NLN: variants seen among roughly 807,000 people sequenced by gnomAD.
NLN encodes neurolysin, mitochondrial.
A neutral mutation model predicts 79.9 loss-of-function variants in NLN; 64 were observed. The ratio of observed to expected loss-of-function variants is 0.80; its 90% confidence interval spans 0.65 to 0.99. The LOEUF is 0.99. NLN is among the 50% of genes least tolerant of loss of function. The pLI is 0.00. For missense variants in NLN, 835 were observed against 858.7 expected (o/e 0.97, Z 0.34); for synonymous variants, 267 against 296.6 (o/e 0.90, Z 1.02).
At chr5:65,800,626 G>A (rs917750519) in intron 9 of NLN, among the ~76,000 whole-genome samples, 14 of 151,978 alleles carry the variant, frequency 9.2e-5, no homozygotes, top group African/African-American at 3.4e-4. Flanking sequence ...CTGAGATTCT[G>A]CCACTGCACT....
At chr5:65,770,982 G>C (rs922228189) in intron 3 of NLN, among the ~76,000 whole-genome samples, 1 of 152,086 alleles carries the variant, frequency 6.6e-6, no homozygotes, top group Non-Finnish European at 1.5e-5. Flanking sequence ...CAAAATTCAA[G>C]AGAGTAGTTA....
At chr5:65,780,027 T>C in intron 4 of NLN, 152 bp from the exon 5 acceptor site, 1 of 506,428 alleles carries the variant, frequency 2.0e-6, no homozygotes, top group South Asian at 3.1e-5. Context: ...GCTTTCACCA[T>C]GTTAGCCAGG....
At chr5:65,814,141 T>C (rs1263728523) in intron 12 of NLN, among the ~76,000 whole-genome samples, 25 of 152,168 alleles carry the variant, frequency 1.6e-4, no homozygotes, top group Admixed American at 1.6e-3. Flanking sequence ...GCCTAATTTC[T>C]TGGTATAAGA....
rs1012064054 is a variant in NLN at position 65,819,549 on chromosome 5, T to G, written c.1981-3232T>G. Among the ~76,000 whole-genome samples the G allele has an allele frequency of 2.0e-5, 3 of 152,204 alleles. 1 individual carries two copies. In the South Asian group the frequency reaches 6.2e-4, roughly 31 times the overall value. ...AGCTGCCAAAAGATACATGCTAATCTTCTAGGATTAAAAAAGCCACAGAGG... is the reference window on the plus strand; with the variant it reads ...AGCTGCCAAAAGATACATGCTAATCGTCTAGGATTAAAAAAGCCACAGAGG... On this transcript the variant is annotated intron_variant, in intron 12 of 12. Transcript: ENST00000380985.
chr5:65,756,654 T>C (rs1174948113), intron 1 of NLN, among the ~76,000 whole-genome samples: 1 of 152,150 alleles, frequency 6.6e-6, no homozygotes, highest in African/African-American at 2.4e-5. Context: ...GGGGAGTTTT[T>C]TGTTGTTGTC....
intron 7 of NLN, among the ~76,000 whole-genome samples, chr5:65,787,699 T>C (rs1291993017): frequency 6.6e-6 from 1 of 152,198 alleles, no homozygotes; most frequent in Non-Finnish European, 1.5e-5. Flanking sequence ...ACAGGTCACA[T>C]CTGATGTGTT....
intron 7 of NLN, among the ~76,000 whole-genome samples, chr5:65,786,733 A>T (rs756520911): frequency 1.3e-5 from 2 of 152,178 alleles, no homozygotes; most frequent in Non-Finnish European, 2.9e-5. Flanking sequence ...ATGGTAGCAC[A>T]TGCCTGTAAT....
At position 65,763,084 on chromosome 5, in the gene NLN, A is replaced by G. The variant is rs1379806024; in HGVS notation, c.426A>G (p.Ile142Met). ...TTGAGATGAGCATGAGAGGAGATAT[A>G]TTTGAGAGAATTGTTCATTTACAGG... The part of the protein sequence containing the change: ...FDIEMSMRGD[I>M]FERIVHLQET... Residue 142 changes from isoleucine to methionine, a missense_variant, in exon 3 of 13, where the codon ATA (isoleucine) becomes ATG (methionine). Coordinates refer to ENST00000380985, the MANE Select transcript of NLN (RefSeq NM_020726.5). 6.2e-7 allele frequency: 1 copy of G among 1,613,686 alleles called. No individual in the cohort carries two copies. Among genetic ancestry groups the G allele is most frequent in the Non-Finnish European group, 8.5e-7 (1 of 1,179,722 alleles).
At position 65,826,730 on chromosome 5, in the gene NLN, C is replaced by T. The variant is rs1035872732; in HGVS notation, c.*3815C>T. 1 of 152,126 alleles carries T rather than the reference C, an allele frequency of 6.6e-6. No individual in the cohort carries two copies. The highest frequency in any genetic ancestry group is 1.5e-5 in the Non-Finnish European group (1 of 68,102). The allele number at this position is 152,126 out of a possible 1,614,324, so 9.4% of individuals were successfully genotyped here. A position where few individuals can be genotyped will look rare whatever the true frequency, so the allele number is the denominator to read the frequency against. On this transcript the variant is annotated 3_prime_UTR_variant, in exon 13 of 13. Coordinates refer to ENST00000380985, the MANE Select transcript of NLN (RefSeq NM_020726.5). ...GACCAGCCTGAGCAACACAGTGAGA[C>T]CCTGTCTCTACAAAAACTAAAAAAA...
intron 4 of NLN, among the ~76,000 whole-genome samples, chr5:65,778,112 C>T (rs1165300339): frequency 6.6e-6 from 1 of 152,136 alleles, no homozygotes; most frequent in African/African-American, 2.4e-5. Flanking sequence ...ATTATAAAAT[C>T]CTTACCGATG....
intron 7 of NLN, 33 bp from the exon 8 acceptor site, chr5:65,788,085 A>G: frequency 6.3e-7 from 1 of 1,590,994 alleles, no homozygotes; most frequent in Non-Finnish European, 8.5e-7. Context: ...TTCCAAAAGC[A>G]AGTAGATCAC....
At chr5:65,803,119 G>T (rs1308529760) in intron 9 of NLN, among the ~76,000 whole-genome samples, 1 of 152,158 alleles carries the variant, frequency 6.6e-6, no homozygotes, top group Non-Finnish European at 1.5e-5. Flanking sequence ...TTGGCTTATG[G>T]GTGGGCCTGG....
intron 9 of NLN, among the ~76,000 whole-genome samples, chr5:65,804,205 G>C (rs1561209887): frequency 6.6e-6 from 1 of 152,102 alleles, no homozygotes. Context: ...TAAGATTGTG[G>C]GTTATGAAGT....
At chr5:65,773,797 G>A (rs536472186) in intron 3 of NLN, among the ~76,000 whole-genome samples, 50 of 152,122 alleles carry the variant, frequency 3.3e-4, no homozygotes, top group African/African-American at 1.2e-3. Flanking sequence ...ACAAAAATTA[G>A]CCAGATGTGG....
At chr5:65,746,730 C>A (rs1340813444) in intron 1 of NLN, among the ~76,000 whole-genome samples, 1 of 152,114 alleles carries the variant, frequency 6.6e-6, no homozygotes, top group Non-Finnish European at 1.5e-5. Context: ...CTGAGCCGGG[C>A]GCGGTGGCTC....
In NLN at chr5:65,781,299, A is replaced by G. The variant is rs770652466; in HGVS notation, c.700A>G (p.Thr234Ala). 9.9e-6 allele frequency: 16 copies of G among 1,608,702 alleles called. No homozygotes were observed. Among genetic ancestry groups the G allele is most frequent in the Admixed American group, 1.7e-5 (1 of 59,752 alleles). ...TGATTTCATTGACAGTTTAGAAAAG[A>G]CAGATGATGACAAGTATAAAATTAC... ...PDDFIDSLEK[T>A]DDDKYKITLK... Residue 234 changes from threonine (T) to alanine (A), a missense_variant, in exon 6 of 13, where the codon ACA (threonine) becomes GCA (alanine). Physicochemically the swap from Thr to Ala is moderately conservative, Grantham distance 58. Coordinates refer to ENST00000380985, the MANE Select transcript of NLN (RefSeq NM_020726.5).
chr5:65,785,834 CG>C lies in NLN; in HGVS notation c.884del (p.Gly295ValfsTer12). 1 of 1,613,692 alleles carries C rather than the reference CG, an allele frequency of 6.2e-7. No homozygotes were observed. Among genetic ancestry groups the C allele is most frequent in the Middle Eastern group, 1.7e-4 (1 of 6,060 alleles). On this transcript the variant is annotated frameshift_variant, in exon 7 of 13. Transcript: ENST00000380985. LOFTEE classifies it high-confidence loss of function. The stretch of plus-strand genomic sequence containing the variant: ...TGCGAACCAAGGTGGCCAAACTACT[CG>C]GTTATAGCACACATGCTGACTTCGT... ...PLRTKVAKLL[G>X]YSTHADFVLE...
At chr5:65,759,491 T>C (rs557735930) in intron 2 of NLN, among the ~76,000 whole-genome samples, 5 of 151,946 alleles carry the variant, frequency 3.3e-5, no homozygotes, top group South Asian at 2.1e-4. Context: ...TTATAGGGAA[T>C]TGGCTTACAT....
chr5:65,822,088 G>C (rs1463153255), intron 12 of NLN, among the ~76,000 whole-genome samples: 1 of 152,164 alleles, frequency 6.6e-6, no homozygotes. Context: ...TGAAAATATT[G>C]AACAATGCTG....
Sources: gnomAD v4.1 joint callset for allele counts (sites outside exome capture counted in the v4.1 genomes callset) on GRCh38, gnomAD v4.1.1 for gene constraint, MANE v1.5 for transcripts, NCBI Gene and HGNC (gene_info 2026-07-23, HGNC 2026-07-21) for gene names.